DARS2: variants seen among roughly 807,000 people sequenced by gnomAD.
DARS2 encodes the protein aspartate--tRNA ligase, mitochondrial.
A neutral mutation model predicts 83.0 loss-of-function variants in DARS2; 63 were observed. The observed-to-expected ratio is 0.76, with a 90% CI of 0.62 to 0.94. The LOEUF is 0.94. Among genes scored for constraint, DARS2 ranks in the 40% least tolerant of loss-of-function variants. The pLI is 0.00. For missense variants in DARS2, 675 were observed against 774.4 expected (o/e 0.87, Z 1.52); for synonymous variants, 250 against 269.3 (o/e 0.93, Z 0.70).
In DARS2 at chr1:173,853,450, A is replaced by G; in HGVS notation, c.1446A>G (p.Val482=). The change falls in exon 14 of 17, where the codon GTA becomes GTG. Residue 482 remains valine (V), a synonymous_variant. Coordinates refer to ENST00000649689, the MANE Select transcript of DARS2 (RefSeq NM_018122.5). ...CTCTGTTCTCTTTCCTTTGGGTGGTAGATTTCCCACTCTTCCTGCCCAAGG... is the reference window on the plus strand; with the variant it reads ...CTCTGTTCTCTTTCCTTTGGGTGGTGGATTTCCCACTCTTCCTGCCCAAGG... ...DPTLFSFLWV[V]DFPLFLPKEE... is the part of the protein sequence containing the mutation. The G allele has an allele frequency of 6.2e-7, 1 of 1,614,112 alleles. No individual in the cohort carries two copies. The highest frequency in any genetic ancestry group is 1.1e-5 in the South Asian group (1 of 91,072).
intron 15 of DARS2, among the ~76,000 whole-genome samples, chr1:173,856,282 G>A (rs1431080952): frequency 1.3e-5 from 2 of 152,092 alleles, no homozygotes; most frequent in Non-Finnish European, 2.9e-5. Context: ...CTTCCTCCCG[G>A]CAGCATTTGA....
At chr1:173,830,484 C>A (rs987760862) in intron 3 of DARS2, among the ~76,000 whole-genome samples, 176 bp from the exon 4 acceptor site, 3 of 152,126 alleles carry the variant, frequency 2.0e-5, no homozygotes, top group African/African-American at 7.2e-5. Flanking sequence ...TATATAGAGT[C>A]AAAATGGGGA....
intron 11 of DARS2, among the ~76,000 whole-genome samples, chr1:173,843,186 G>GT (rs1653295236): frequency 6.6e-6 from 1 of 152,076 alleles, no homozygotes; most frequent in Admixed American, 6.6e-5. Context: ...AAATAAGATG[G>GT]TTAAAGTATG....
chr1:173,829,171 A>G (rs142573363), intron 3 of DARS2, among the ~76,000 whole-genome samples: 142 of 152,076 alleles, frequency 9.3e-4, no homozygotes, highest in African/African-American at 3.1e-3. Context: ...TCATCTGTAT[A>G]AAAACTGGGG....
chr1:173,856,783 G>T, intron 16 of DARS2, 42 bp downstream of exon 16: 1 of 1,540,956 alleles, frequency 6.5e-7, no homozygotes, highest in Non-Finnish European at 9.0e-7. Context: ...GAATTCCATT[G>T]CACTGTCTCA....
At position 173,842,317 on chromosome 1, in the gene DARS2, T is replaced by TTTTTTTTTTG. The variant is rs1304745729; in HGVS notation, c.1128+1344_1128+1345insTTTTTTTTTG. ...TTTTTTTTTTTTTTTTTTTTTTTTT[T>TTTTTTTTTTG]AGAGTGAGTCTTGCTCTGTCGCCCA... is the stretch of plus-strand genomic sequence containing the variant. On this transcript the variant is annotated intron_variant, in intron 11 of 16. Transcript: ENST00000649689. Among the ~76,000 whole-genome samples, 232 of 116,616 alleles carry TTTTTTTTTTG rather than the reference T, an allele frequency of 2.0e-3. 47 individuals are homozygous for TTTTTTTTTTG. The highest frequency in any genetic ancestry group is 9.4e-3 in the African/African-American group (222 of 23,530). The allele number at this position is 116,616 out of a possible 152,430, so 76.5% of individuals were successfully genotyped here. A position where few individuals can be genotyped will look rare whatever the true frequency, so the allele number is the denominator to read the frequency against.
In DARS2 at chr1:173,828,175, A is replaced by G. The variant is rs546396901; in HGVS notation, c.228-158A>G. Among the ~76,000 whole-genome samples the G allele has an allele frequency of 7.9e-5, 12 of 152,332 alleles. No homozygotes were observed. In the East Asian group the frequency reaches 2.1e-3, roughly 27 times the overall value. On this transcript the variant is annotated intron_variant, in intron 2 of 16. Transcript: ENST00000649689. ...TTGCATGAATGTAACTAATGAAGGT[A>G]CATAATTATCATAAAAAACATGAAA...
At chr1:173,857,443 CTTT>C in intron 16 of DARS2, 72 bp from the exon 17 acceptor site, 1 of 1,481,414 alleles carries the variant, frequency 6.8e-7, no homozygotes, top group Non-Finnish European at 9.4e-7. Flanking sequence ...TTTTCTACAA[CTTT>C]TATAGAAAAA....
At chr1:173,857,420 T>A in intron 16 of DARS2, 98 bp from the exon 17 acceptor site, 1 of 1,254,926 alleles carries the variant, frequency 8.0e-7, no homozygotes, top group African/African-American at 1.5e-5. Flanking sequence ...TGTTAAAGAT[T>A]CTTATTTAAA....
At chr1:173,835,563 T>A (rs1383686365) in intron 7 of DARS2, among the ~76,000 whole-genome samples, 1 of 149,584 alleles carries the variant, frequency 6.7e-6, no homozygotes, top group Non-Finnish European at 1.5e-5. Context: ...GAAAAAAAAA[T>A]GGAAAAGAAA....
chr1:173,857,399 T>C, intron 16 of DARS2, 119 bp from the exon 17 acceptor site: 1 of 992,508 alleles, frequency 1.0e-6, no homozygotes, highest in Non-Finnish European at 1.5e-6. Context: ...GAACGATGGT[T>C]GGCTACAGTT....
In DARS2 at chr1:173,850,297, AAC is replaced by A. The variant is rs1491323897; in HGVS notation, c.1192-29_1192-28del. 23 of 1,577,572 alleles carry A rather than the reference AAC, an allele frequency of 1.5e-5. No individual in the cohort carries two copies. The African/African-American group carries it at 2.5e-4, about 17-fold the overall frequency. ...ATCCCACTGTTCAAAAAAAAAAAAAAACGTGAATAAGTCTTTTTCTTTTACAC... is the reference window on the plus strand; with the variant it reads ...ATCCCACTGTTCAAAAAAAAAAAAAAGTGAATAAGTCTTTTTCTTTTACAC... On this transcript the variant is annotated intron_variant, in intron 12 of 16. Transcript: ENST00000649689.
At chr1:173,832,587 G>A (rs1364755335) in intron 5 of DARS2, among the ~76,000 whole-genome samples, 2 of 151,968 alleles carry the variant, frequency 1.3e-5, no homozygotes, top group African/African-American at 4.8e-5. Context: ...TGGCCAATGT[G>A]GTGAAACCCC....
At position 173,850,299 on chromosome 1, in the gene DARS2, C is replaced by G. The variant is rs768250843; in HGVS notation, c.1192-28C>G. 13 of 1,358,954 alleles carry G rather than the reference C, an allele frequency of 9.6e-6. No homozygotes were observed. In the African/African-American group the frequency reaches 1.4e-4, roughly 15 times the overall value. The allele number at this position is 1,358,954 out of a possible 1,614,324, so 84.2% of individuals were successfully genotyped here. On this transcript the variant is annotated intron_variant, in intron 12 of 16. Coordinates refer to ENST00000649689, the MANE Select transcript of DARS2 (RefSeq NM_018122.5). The stretch of plus-strand genomic sequence containing the variant: ...CCCACTGTTCAAAAAAAAAAAAAAA[C>G]GTGAATAAGTCTTTTTCTTTTACAC...
At chr1:173,850,628 C>T (rs1381969721) in intron 13 of DARS2, 149 bp downstream of exon 13, 8 of 899,908 alleles carry the variant, frequency 8.9e-6, no homozygotes, top group Admixed American at 2.9e-5. Flanking sequence ...TTTTAAGAGA[C>T]GGAGTTTTGC....
chr1:173,850,294 A>AC, intron 12 of DARS2, 33 bp from the exon 13 acceptor site: 1 of 1,576,534 alleles, frequency 6.3e-7, no homozygotes. Context: ...AAAAAAAAAA[A>AC]AAAACGTGAA....
Position 173,853,553 on chromosome 1 carries a change from A to G in DARS2, c.1549A>G (p.Thr517Ala). 2 of 1,614,052 alleles carry G rather than the reference A, an allele frequency of 1.2e-6. No individual in the cohort carries two copies. The highest frequency in any genetic ancestry group is 1.7e-6 in the Non-Finnish European group (2 of 1,180,014). The change falls in exon 14 of 17, where the codon ACT becomes GCT. Residue 517 changes from threonine to alanine, a missense_variant. Transcript: ENST00000649689. ...CCCCAGTGACATACATCTCCTGTACACTGAGCCCAAAAAGGTACCGTATCT... is the reference window on the plus strand; with the variant it reads ...CCCCAGTGACATACATCTCCTGTACGCTGAGCCCAAAAAGGTACCGTATCT... ...PHPSDIHLLY[T>A]EPKKARSQHY...
chr1:173,846,637 A>C (rs975185338), intron 12 of DARS2, among the ~76,000 whole-genome samples: 20 of 151,088 alleles, frequency 1.3e-4, no homozygotes, highest in African/African-American at 4.6e-4. Flanking sequence ...TACAAAAAAC[A>C]GAAAAAAAAT....
intron 12 of DARS2, among the ~76,000 whole-genome samples, chr1:173,848,471 A>T (rs1377884640): frequency 6.6e-6 from 1 of 152,258 alleles, no homozygotes; most frequent in African/African-American, 2.4e-5. Flanking sequence ...GCTAGTGAAC[A>T]CTTGAAATAG....
Sources: gnomAD v4.1 joint callset for allele counts (sites outside exome capture counted in the v4.1 genomes callset) on GRCh38, gnomAD v4.1.1 for gene constraint, MANE v1.5 for transcripts, NCBI Gene and HGNC (gene_info 2026-07-23, HGNC 2026-07-21) for gene names.